TOM1L2: variants seen among roughly 807,000 people sequenced by gnomAD.
The protein encoded by TOM1L2 is target of myb1 like 2 membrane trafficking protein.
Under a neutral mutation model 67.9 loss-of-function variants are expected in TOM1L2, and 31 were observed. The observed-to-expected ratio is 0.46, with a 90% CI of 0.34 to 0.62. The LOEUF is 0.62. Ranked by LOEUF, TOM1L2 falls within the 20% of genes least tolerant of loss-of-function variation. TOM1L2 has a pLI of 0.01. For missense variants in TOM1L2, 606 were observed against 663.5 expected (o/e 0.91, Z 0.95); for synonymous variants, 256 against 254.0 (o/e 1.01, Z -0.07).
intron 1 of TOM1L2, among the ~76,000 whole-genome samples, chr17:17,951,371 CT>C (rs1172348048): frequency 6.6e-6 from 1 of 152,172 alleles, no homozygotes; most frequent in Non-Finnish European, 1.5e-5. Context: ...CCTGATCTCA[CT>C]TTGTCTTACT....
intron 1 of TOM1L2, among the ~76,000 whole-genome samples, chr17:17,922,591 T>C (rs898584460): frequency 1.3e-5 from 2 of 152,164 alleles, no homozygotes; most frequent in African/African-American, 4.8e-5. Flanking sequence ...GGGGTCAGTC[T>C]TGGCTCTCTC....
At chr17:17,952,554 G>A (rs1458324179) in intron 1 of TOM1L2, among the ~76,000 whole-genome samples, 1 of 151,676 alleles carries the variant, frequency 6.6e-6, no homozygotes, top group Non-Finnish European at 1.5e-5. Flanking sequence ...GCCACGCCTG[G>A]CTAAGTTTTT....
At chr17:17,860,967 T>G (rs1388741813) in intron 12 of TOM1L2, among the ~76,000 whole-genome samples, 1 of 152,078 alleles carries the variant, frequency 6.6e-6, no homozygotes, top group Non-Finnish European at 1.5e-5. Context: ...TCTAATGGGG[T>G]TGGTACTGCT....
At chr17:17,860,611 T>C in intron 12 of TOM1L2, among the ~76,000 whole-genome samples, 1 of 152,228 alleles carries the variant, frequency 6.6e-6, no homozygotes. Context: ...GGACAGATGA[T>C]CACTGCCCTC....
At chr17:17,927,442 T>A (rs2040140684) in intron 1 of TOM1L2, among the ~76,000 whole-genome samples, 2 of 152,172 alleles carry the variant, frequency 1.3e-5, no homozygotes, top group Non-Finnish European at 2.9e-5. Context: ...GGCCAGGACC[T>A]GCATGCAGAC....
At chr17:17,895,954 G>A (rs2038548533) in intron 3 of TOM1L2, among the ~76,000 whole-genome samples, 2 of 152,204 alleles carry the variant, frequency 1.3e-5, no homozygotes, top group Non-Finnish European at 2.9e-5. Flanking sequence ...TTGCCTTGCT[G>A]CTGGCTGCAC....
At position 17,847,430 on chromosome 17, in the gene TOM1L2, C is replaced by T; in HGVS notation, c.*205G>A. ...TGGTGGGAGGGGAGAGAGTCTCTGG[C>T]TGCAGTTGTCCCACCACTCAGAGAA... On this transcript the variant is annotated 3_prime_UTR_variant, in exon 15 of 15. Coordinates refer to ENST00000379504, the MANE Select transcript of TOM1L2 (RefSeq NM_001082968.2). 1.6e-6 allele frequency: 1 copy of T among 639,520 alleles called. No homozygotes were observed. The highest frequency in any genetic ancestry group is 2.6e-6 in the Non-Finnish European group (1 of 383,458). The allele number at this position is 639,520 out of a possible 1,614,324, so 39.6% of individuals were successfully genotyped here.
In TOM1L2 at chr17:17,861,530, C is replaced by G; in HGVS notation, c.1224G>C (p.Gln408His). The G allele has an allele frequency of 6.2e-7, 1 of 1,614,112 alleles. No homozygotes were observed. The highest frequency in any genetic ancestry group is 1.3e-5 in the African/African-American group (1 of 75,052). ...QRKTVTYEDP[Q>H]AVGGLASALD... ...GTGCAGAAGCAAGTCCTCCGACAGCCTGAGGATCCTCATAGGTTACCCTGG... is the reference window on the plus strand; with the variant it reads ...GTGCAGAAGCAAGTCCTCCGACAGCGTGAGGATCCTCATAGGTTACCCTGG... The change falls in exon 12 of 15, where the codon CAG (glutamine) becomes CAC (histidine). Residue 408 changes from glutamine to histidine, a missense_variant. Around this residue, in one of 2 missense-constraint regions of TOM1L2, gnomAD observed 543 missense variants for 554.0 expected, o/e 0.98. Coordinates refer to ENST00000379504, the MANE Select transcript of TOM1L2 (RefSeq NM_001082968.2).
rs151248056 is a variant in TOM1L2, at chr17:17,853,301, T to C, written c.1279-2349A>G. 8.5e-5 allele frequency among the ~76,000 whole-genome samples: 13 copies of C among 152,292 alleles called. No homozygotes were observed. The East Asian group carries it at 2.5e-3, about 29-fold the overall frequency. ...GCCCTTTCTTTACACCTGACCAGCT[T>C]TTGTCCACTTAGCAGAAACAGACTA... On this transcript the variant is annotated intron_variant, in intron 12 of 14. Transcript: ENST00000379504.
At chr17:17,896,945 G>C (rs543767306) in intron 3 of TOM1L2, among the ~76,000 whole-genome samples, 8 of 152,298 alleles carry the variant, frequency 5.3e-5, no homozygotes, top group African/African-American at 1.9e-4. Flanking sequence ...CGCTAGGATG[G>C]GGCCTCAGTG....
Position 17,862,831 on chromosome 17 carries a change from C to A in TOM1L2, c.1102G>T (p.Val368Phe), listed in dbSNP as rs774472699. The change falls in exon 11 of 15, where the codon GTC (valine) becomes TTC (phenylalanine). Residue 368 changes from valine (V) to phenylalanine (F), a missense_variant. By Grantham distance (50) the Val-to-Phe change is conservative (BLOSUM62 -1). Around this residue, in one of 2 missense-constraint regions of TOM1L2, gnomAD observed 543 missense variants for 554.0 expected, o/e 0.98. Transcript: ENST00000379504. ...TGGAGTGAACTGAGGGTGCCACTGACGCTCTCTGTCCCCAAGTCTGTGGCA... is the reference window on the plus strand; with the variant it reads ...TGGAGTGAACTGAGGGTGCCACTGAAGCTCTCTGTCCCCAAGTCTGTGGCA... Reference protein sequence around the residue: ...LAGLDLGTESVSGTLSSLQQC... With the variant: ...LAGLDLGTESFSGTLSSLQQC... The A allele has an allele frequency of 1.9e-6, 3 of 1,614,044 alleles. No homozygotes were observed. Among genetic ancestry groups the A allele is most frequent in the South Asian group, 1.1e-5 (1 of 91,086 alleles).
intron 1 of TOM1L2, among the ~76,000 whole-genome samples, chr17:17,962,728 G>T (rs2145035097): frequency 6.6e-6 from 1 of 152,246 alleles, no homozygotes. Context: ...GGGAGGCTGA[G>T]GTGGGTGGAA....
intron 1 of TOM1L2, among the ~76,000 whole-genome samples, chr17:17,936,821 G>A (rs1262861071): frequency 2.6e-5 from 4 of 152,174 alleles, no homozygotes; most frequent in African/African-American, 9.7e-5. Flanking sequence ...GTTTATAGTA[G>A]TAACCTTTGT....
intron 3 of TOM1L2, among the ~76,000 whole-genome samples, chr17:17,894,975 A>ATGCATGCATGCATG (rs1555598777): frequency 6.1e-5 from 9 of 147,688 alleles, no homozygotes; most frequent in Non-Finnish European, 1.3e-4. Context: ...ATACATACAT[A>ATGCATGCATGCATG]CATGCATGCA....
chr17:17,882,050 T>TA (rs1403600676), intron 6 of TOM1L2, among the ~76,000 whole-genome samples: 15 of 152,306 alleles, frequency 9.8e-5, no homozygotes, highest in Admixed American at 3.9e-4. Flanking sequence ...CCAATTCATC[T>TA]AAAAAATCCA....
At chr17:17,899,651 G>A (rs527406610) in intron 2 of TOM1L2, among the ~76,000 whole-genome samples, 37 of 152,310 alleles carry the variant, frequency 2.4e-4, no homozygotes, top group African/African-American at 8.2e-4. Context: ...AAGCCCCTGT[G>A]CTGACCTGAC....
Position 17,882,274 on chromosome 17 carries a change from A to T in TOM1L2, c.660+431T>A, listed in dbSNP as rs1490220154. Among the ~76,000 whole-genome samples the T allele has an allele frequency of 2.0e-5, 3 of 152,284 alleles. No individual in the cohort carries two copies. In the East Asian group the frequency reaches 5.8e-4, roughly 29 times the overall value. On this transcript the variant is annotated intron_variant, in intron 6 of 14. Transcript: ENST00000379504. ...TGCACGTCTATGCTTTTGGCCTCAC[A>T]TTCTGCCATGGTTTCCTCCCAGATC...
chr17:17,967,245 TTC>T (rs2041905672), intron 1 of TOM1L2, among the ~76,000 whole-genome samples: 2 of 152,250 alleles, frequency 1.3e-5, no homozygotes, highest in Non-Finnish European at 2.9e-5. Context: ...GAATATCTGC[TTC>T]TTGCCTGTTT....
In TOM1L2 at chr17:17,862,790, A is replaced by C; in HGVS notation, c.1143T>G (p.Arg381=). 6.2e-7 allele frequency: 1 copy of C among 1,614,186 alleles called. No homozygotes were observed. Among genetic ancestry groups the C allele is most frequent in the East Asian group, 2.2e-5 (1 of 44,888 alleles). ...TLSSLQQCNP[R]DGFDMFAQTR... ...TCTGGGCAAACATGTCAAAGCCGTC[A>C]CGGGGATTACATTGCTGGAGTGAAC... Residue 381 remains arginine, a synonymous_variant, in exon 11 of 15, where the codon CGT becomes CGG. Coordinates refer to ENST00000379504, the MANE Select transcript of TOM1L2 (RefSeq NM_001082968.2).
Sources: gnomAD v4.1 joint callset for allele counts (sites outside exome capture counted in the v4.1 genomes callset) on GRCh38, gnomAD v4.1.1 for gene constraint, gnomAD v4.1.1 regional missense constraint, MANE v1.5 for transcripts, NCBI Gene and HGNC (gene_info 2026-07-23, HGNC 2026-07-21) for gene names.